Variants in DOCK3 observed in about 807,000 individuals in gnomAD.
DOCK3 encodes dedicator of cytokinesis protein 3.
A neutral mutation model predicts 265.6 loss-of-function variants in DOCK3; 60 were observed. That is an observed-to-expected ratio of 0.23 (90% CI 0.18 to 0.28). The LOEUF is 0.28. DOCK3 is among the 10% of genes least tolerant of loss of function. The probability of loss-of-function intolerance (pLI) is 1.00; values close to 1 mark genes in which losing one functional copy is unlikely to be tolerated. For missense variants in DOCK3, 1,981 were observed against 2,594.3 expected (o/e 0.76, Z 5.14); for synonymous variants, 881 against 938.0 (o/e 0.94, Z 1.11).
intron 3 of DOCK3, among the ~76,000 whole-genome samples, chr3:50,889,066 G>GGGGTGTGTGTGTGT (rs869046567): frequency 7.1e-4 from 95 of 134,262 alleles, no homozygotes; most frequent in African/African-American, 2.5e-3. Context: ...TTAAGCCATG[G>GGGGTGTGTGTGTGT]GTGTGTGTGT....
At chr3:51,130,474 G>C (rs2084477943) in intron 9 of DOCK3, among the ~76,000 whole-genome samples, 1 of 152,188 alleles carries the variant, frequency 6.6e-6, no homozygotes, top group African/African-American at 2.4e-5. Flanking sequence ...GTGTTAATTT[G>C]CTCAAGCAAT....
At chr3:50,964,217 ATGGTTTAAC>A (rs66985614) in intron 5 of DOCK3, among the ~76,000 whole-genome samples, 3,890 of 152,332 alleles carry the variant, frequency 0.026, 77 homozygotes, top group Middle Eastern at 0.1. Flanking sequence ...CTATTTCCAA[ATGGTTTAAC>A]TGCATACCAG....
rs749920591 is a variant in DOCK3 at position 50,968,553 on chromosome 3, A to ATTTTTTT, written c.315+34485_315+34491dup. The stretch of plus-strand genomic sequence containing the variant: ...CGAGAAGATACTTTCTATGATTTCA[A>ATTTTTTT]TTTTTTTTTTTTTTTGAGACGGAGT... On this transcript the variant is annotated intron_variant, in intron 5 of 52. Transcript: ENST00000266037. 1.0e-3 allele frequency among the ~76,000 whole-genome samples: 143 copies of ATTTTTTT among 139,370 alleles called. 1 individual carries two copies. Among genetic ancestry groups the ATTTTTTT allele is most frequent in the East Asian group, 6.6e-3 (31 of 4,720 alleles). 91.4% of individuals were successfully genotyped at this position (139,370 alleles called of 152,430 possible). A position where few individuals can be genotyped will look rare whatever the true frequency, so the allele number is the denominator to read the frequency against.
intron 3 of DOCK3, among the ~76,000 whole-genome samples, chr3:50,847,458 G>A (rs1488121806): frequency 6.6e-6 from 1 of 152,148 alleles, no homozygotes; most frequent in Non-Finnish European, 1.5e-5. Flanking sequence ...ATCTGAGAAT[G>A]TCCCGTGGTT....
chr3:51,379,868 G>A (rs1553617994), intron 51 of DOCK3, among the ~76,000 whole-genome samples: 1 of 152,266 alleles, frequency 6.6e-6, no homozygotes, highest in African/African-American at 2.4e-5. Context: ...GGCTAGAGCT[G>A]CCGCTGCCTG....
At chr3:50,941,267 A>G (rs559361841) in intron 5 of DOCK3, among the ~76,000 whole-genome samples, 32 of 152,302 alleles carry the variant, frequency 2.1e-4, no homozygotes, top group African/African-American at 6.5e-4. Context: ...AAATACTTGA[A>G]TAGGGACAAG....
At chr3:50,829,755 T>C (rs1329416747) in intron 2 of DOCK3, among the ~76,000 whole-genome samples, 1 of 152,212 alleles carries the variant, frequency 6.6e-6, no homozygotes, top group Non-Finnish European at 1.5e-5. Flanking sequence ...TTCACAAATA[T>C]ATAGTATTTT....
Position 51,277,687 on chromosome 3 carries a change from T to C in DOCK3, c.2756T>C (p.Met919Thr). ...CTCTTGCAGACTCTGCTCACCATCA[T>C]GAGCAAATCGCACGCTCAGGAGGCG... Reference protein sequence around the residue: ...DVLLQTLLTIMSKSHAQEAVR... With the variant: ...DVLLQTLLTITSKSHAQEAVR... The change falls in exon 26 of 53, where the codon ATG (methionine) becomes ACG (threonine). Residue 919 changes from methionine to threonine, a missense_variant. This residue lies in a region of DOCK3 where 1,357 missense variants were observed against 1,866.8 expected (regional missense o/e 0.73). Coordinates refer to ENST00000266037, the MANE Select transcript of DOCK3 (RefSeq NM_004947.5). The C allele has an allele frequency of 6.2e-7, 1 of 1,610,830 alleles. No individual in the cohort carries two copies. Among genetic ancestry groups the C allele is most frequent in the East Asian group, 2.2e-5 (1 of 44,672 alleles).
intron 1 of DOCK3, among the ~76,000 whole-genome samples, chr3:50,713,638 T>TTATATA (rs57074630): frequency 4.5e-4 from 68 of 149,914 alleles, no homozygotes; most frequent in East Asian, 4.3e-3. Context: ...GTCTGATAAA[T>TTATATA]TATATATATA....
intron 14 of DOCK3, among the ~76,000 whole-genome samples, chr3:51,218,735 A>C (rs1476082632): frequency 6.6e-6 from 1 of 152,180 alleles, no homozygotes. Context: ...AAGTCCATCT[A>C]TGATTTATTA....
intron 1 of DOCK3, among the ~76,000 whole-genome samples, chr3:50,725,356 A>G (rs1198324580): frequency 6.6e-6 from 1 of 152,180 alleles, no homozygotes. Context: ...AGTACTAAAA[A>G]CACAAGCACT....
At chr3:51,041,940 G>A (rs936419664) in intron 5 of DOCK3, among the ~76,000 whole-genome samples, 4 of 151,950 alleles carry the variant, frequency 2.6e-5, no homozygotes, top group Non-Finnish European at 4.4e-5. Flanking sequence ...TTGAAATCAG[G>A]CACTGACTTC....
chr3:51,275,628 T>C (rs1237791501), intron 25 of DOCK3, among the ~76,000 whole-genome samples: 1 of 152,104 alleles, frequency 6.6e-6, no homozygotes, highest in Admixed American at 6.5e-5. Flanking sequence ...ATTCCACCCA[T>C]ATGGCGTTCC....
rs189456752 is a variant in DOCK3 at position 51,312,935 on chromosome 3, A to G, written c.3253+33A>G. 4.9e-4 allele frequency: 763 copies of G among 1,567,548 alleles called. 3 individuals carry two copies. In the African/African-American group the frequency reaches 8.6e-3, roughly 18 times the overall value. On this transcript the variant is annotated intron_variant, in intron 31 of 52. Coordinates refer to ENST00000266037, the MANE Select transcript of DOCK3 (RefSeq NM_004947.5). ...TTTTCTCCCTATTCTTCCCTTCTAT[A>G]TATTGCATAGCCAAATAGAAAGTAG... is the stretch of plus-strand genomic sequence containing the variant.
chr3:50,918,421 G>A (rs1414124607), intron 4 of DOCK3, among the ~76,000 whole-genome samples: 1 of 152,094 alleles, frequency 6.6e-6, no homozygotes, highest in Admixed American at 6.5e-5. Context: ...TCCAGCACCT[G>A]TTGTTAACTG....
At chr3:51,105,027 CCTA>C (rs1378158766) in intron 9 of DOCK3, among the ~76,000 whole-genome samples, 1 of 152,112 alleles carries the variant, frequency 6.6e-6, no homozygotes, top group African/African-American at 2.4e-5. Flanking sequence ...CATGAGTACT[CCTA>C]CTAATCTTTG....
intron 4 of DOCK3, among the ~76,000 whole-genome samples, chr3:50,899,954 G>C (rs1269611493): frequency 6.6e-6 from 1 of 151,904 alleles, no homozygotes; most frequent in African/African-American, 2.4e-5. Flanking sequence ...ATGTGTCTTG[G>C]GGTTACTCTT....
intron 1 of DOCK3, among the ~76,000 whole-genome samples, chr3:50,710,562 GAATGTAAACTAGT>G (rs2036693917): frequency 6.6e-6 from 1 of 152,228 alleles, no homozygotes; most frequent in Non-Finnish European, 1.5e-5. Flanking sequence ...TTGGTGGTGG[GAATGTAAACTAGT>G]ACAACCACTA....
chr3:51,378,524 G>A (rs527904411), intron 51 of DOCK3, among the ~76,000 whole-genome samples: 177 of 152,306 alleles, frequency 1.2e-3, no homozygotes, highest in Non-Finnish European at 1.9e-3. Flanking sequence ...TAGCTACCAC[G>A]GCCTTAGAAC....
Sources: gnomAD v4.1 joint callset for allele counts (sites outside exome capture counted in the v4.1 genomes callset) on GRCh38, gnomAD v4.1.1 for gene constraint, gnomAD v4.1.1 regional missense constraint, MANE v1.5 for transcripts, NCBI Gene and HGNC (gene_info 2026-07-23, HGNC 2026-07-21) for gene names.